The following GTF2IRD1 variants were observed in gnomAD, a reference collection of about 807,000 sequenced individuals.
GTF2IRD1 encodes the protein GTF2I repeat domain containing 1.
GTF2IRD1 carries 26 observed loss-of-function variants against 113.2 expected under a neutral mutation model. The ratio of observed to expected loss-of-function variants is 0.23; its 90% CI spans 0.17 to 0.32. The LOEUF is 0.32. Among genes scored for constraint, GTF2IRD1 ranks in the 10% least tolerant of loss-of-function variants. The probability of loss-of-function intolerance (pLI) is 1.00; values close to 1 mark genes in which losing one functional copy is unlikely to be tolerated. For synonymous variants in GTF2IRD1, 484 were observed against 529.1 expected (o/e 0.91, Z 1.17); for missense variants, 864 against 1,280.8 (o/e 0.67, Z 4.97).
At chr7:74,586,275 T>C (rs587738782) in intron 22 of GTF2IRD1, among the ~76,000 whole-genome samples, 64 of 152,276 alleles carry the variant, frequency 4.2e-4, no homozygotes, top group African/African-American at 1.3e-3. Flanking sequence ...TGCATGGATT[T>C]GGACAAGGGT....
chr7:74,592,543 T>G (rs1332663633), intron 24 of GTF2IRD1, among the ~76,000 whole-genome samples: 16 of 151,246 alleles, frequency 1.1e-4, no homozygotes, highest in Non-Finnish European at 2.2e-4. Flanking sequence ...TTCTTTCTTT[T>G]TTTTTTTTAA....
intron 24 of GTF2IRD1, 81 bp downstream of exon 24, chr7:74,591,098 C>T: frequency 1.1e-6 from 1 of 932,122 alleles, no homozygotes; most frequent in Non-Finnish European, 1.7e-6. Context: ...GGTGGGTCAG[C>T]TGGGATCCAG....
intron 22 of GTF2IRD1, among the ~76,000 whole-genome samples, chr7:74,568,337 TAA>T (rs782743930): frequency 1.1e-5 from 1 of 91,990 alleles, no homozygotes; most frequent in Admixed American, 1.4e-4. Context: ...CATCTCTATT[TAA>T]AAAAAAAAAA....
At chr7:74,569,525 A>G (rs1334241572) in intron 22 of GTF2IRD1, among the ~76,000 whole-genome samples, 6 of 152,234 alleles carry the variant, frequency 3.9e-5, no homozygotes, top group Non-Finnish European at 8.8e-5. Context: ...TAAAGGGCCT[A>G]GCCTGCAAAG....
intron 24 of GTF2IRD1, among the ~76,000 whole-genome samples, chr7:74,594,632 C>T (rs1802294569): frequency 2.0e-5 from 3 of 152,078 alleles, no homozygotes; most frequent in Non-Finnish European, 4.4e-5. Context: ...TCTCAGGGAG[C>T]AGGTGAGAAG....
intron 22 of GTF2IRD1, among the ~76,000 whole-genome samples, chr7:74,576,545 GAAAA>G (rs1335880972): frequency 2.4e-5 from 1 of 41,284 alleles, no homozygotes; most frequent in Admixed American, 2.8e-4. Flanking sequence ...TGGGCTACAA[GAAAA>G]AAAAAAAAAA....
intron 17 of GTF2IRD1, among the ~76,000 whole-genome samples, chr7:74,548,872 C>T (rs1799117762): frequency 6.6e-6 from 1 of 152,164 alleles, no homozygotes; most frequent in Non-Finnish European, 1.5e-5. Context: ...TGCACCACTG[C>T]ACTCCAGCCT....
chr7:74,508,233 G>A (rs1008117816), intron 2 of GTF2IRD1, 30 bp downstream of exon 2: 1 of 1,601,072 alleles, frequency 6.2e-7, no homozygotes, highest in Non-Finnish European at 8.5e-7. Flanking sequence ...CAAGAGGAGG[G>A]GACAGGGTGA....
rs1452943191 is a variant in GTF2IRD1 at position 74,589,866 on chromosome 7, A to G, written c.2336A>G (p.Asn779Ser). The change falls in exon 23 of 27, where the codon AAC becomes AGC. Residue 779 changes from asparagine (N) to serine (S), a missense_variant. By Grantham distance (46) the Asn-to-Ser change is conservative. Coordinates refer to ENST00000424337, the MANE Select transcript of GTF2IRD1 (RefSeq NM_005685.4). Reference sequence around the variant, plus strand: ...CCTCTTGTAGATGAAGATGACGCCAACAGACTCGGGGAGAAGGTGATCCTG... The same window carrying G: ...CCTCTTGTAGATGAAGATGACGCCAGCAGACTCGGGGAGAAGGTGATCCTG... ...LIPKPDEDDANRLGEKVILRE... is the reference protein window; with the variant it reads ...LIPKPDEDDASRLGEKVILRE... The G allele has an allele frequency of 5.0e-6, 8 of 1,611,426 alleles. No homozygotes were observed. The East Asian group carries it at 1.1e-4, about 22-fold the overall frequency.
intron 25 of GTF2IRD1, among the ~76,000 whole-genome samples, chr7:74,595,523 TA>T (rs1221958927): frequency 6.0e-4 from 88 of 145,868 alleles, no homozygotes; most frequent in Admixed American, 1.3e-3. Flanking sequence ...ACCCTGTCTC[TA>T]AAAAAAAAAA....
intron 2 of GTF2IRD1, among the ~76,000 whole-genome samples, chr7:74,510,306 A>AT (rs35912885): frequency 0.23 from 31,543 of 137,128 alleles, 3,773 homozygotes; most frequent in East Asian, 0.48. Flanking sequence ...GCTATTTGCA[A>AT]TTTTTTTTTT....
intron 1 of GTF2IRD1, among the ~76,000 whole-genome samples, chr7:74,504,622 G>T (rs1796207459): frequency 6.6e-6 from 1 of 151,888 alleles, no homozygotes; most frequent in African/African-American, 2.4e-5. Context: ...CCTGGAGCTA[G>T]TGCCTTTCTT....
At chr7:74,601,550 A>T (rs1298192235) in intron 26 of GTF2IRD1, 1 of 1,206,336 alleles carries the variant, frequency 8.3e-7, no homozygotes, top group Non-Finnish European at 1.1e-6. Context: ...AGTCGGGTGG[A>T]TCACCTGAGG....
chr7:74,527,350 G>A (rs911255399), intron 8 of GTF2IRD1, among the ~76,000 whole-genome samples: 1 of 152,054 alleles, frequency 6.6e-6, no homozygotes, highest in Non-Finnish European at 1.5e-5. Flanking sequence ...TAAATAGCTG[G>A]GCATGGTAAC....
At chr7:74,529,157 A>AC (rs1330375529) in intron 8 of GTF2IRD1, among the ~76,000 whole-genome samples, 1 of 152,152 alleles carries the variant, frequency 6.6e-6, no homozygotes, top group Non-Finnish European at 1.5e-5. Flanking sequence ...TAGGGGGAGC[A>AC]CACAGAGGCA....
rs561664525 is a variant in GTF2IRD1, at chr7:74,463,476, C to G, written c.-7+9300C>G. On this transcript the variant is annotated intron_variant, in intron 1 of 26. Coordinates refer to ENST00000424337, the MANE Select transcript of GTF2IRD1 (RefSeq NM_005685.4). ...TCTTGAACTCCTGTGTTCAAGTGAT[C>G]CCACAACCTCAGCTTCCCAAGTGCT... 1.8e-3 allele frequency among the ~76,000 whole-genome samples: 280 copies of G among 152,192 alleles called. 1 individual carries two copies. Among genetic ancestry groups the G allele is most frequent in the African/African-American group, 6.3e-3 (260 of 41,532 alleles).
chr7:74,489,833 G>C (rs1389178370), intron 1 of GTF2IRD1, among the ~76,000 whole-genome samples: 1 of 152,194 alleles, frequency 6.6e-6, no homozygotes, highest in African/African-American at 2.4e-5. Flanking sequence ...CCCAAGCACT[G>C]GTTGTTGGGA....
In GTF2IRD1 at chr7:74,545,736, C is replaced by T; in HGVS notation, c.1667-8C>T. ...ACCAGCCTCAACAGACTGCCTTTTG[C>T]CTTCCAGACAGCCACGGTGACGTGA... On this transcript the variant is annotated splice_region_variant and splice_polypyrimidine_tract_variant and intron_variant, in intron 15 of 26. Coordinates refer to ENST00000424337, the MANE Select transcript of GTF2IRD1 (RefSeq NM_005685.4). 1 of 1,611,198 alleles carries T rather than the reference C, an allele frequency of 6.2e-7. No individual in the cohort carries two copies. Among genetic ancestry groups the T allele is most frequent in the Non-Finnish European group, 8.5e-7 (1 of 1,178,764 alleles).
intron 22 of GTF2IRD1, among the ~76,000 whole-genome samples, chr7:74,574,439 G>A (rs1382113320): frequency 4.0e-5 from 6 of 150,186 alleles, no homozygotes; most frequent in South Asian, 2.1e-4. Context: ...CCACTACACC[G>A]GGCCTAGATA....
Sources: gnomAD v4.1 joint callset for allele counts (sites outside exome capture counted in the v4.1 genomes callset) on GRCh38, gnomAD v4.1.1 for gene constraint, MANE v1.5 for transcripts, NCBI Gene and HGNC (gene_info 2026-07-23, HGNC 2026-07-21) for gene names.